Variants in CNTNAP2 observed in about 807,000 individuals in gnomAD.
CNTNAP2 encodes contactin associated protein 2, also known as contactin-associated protein-like 2.
In CNTNAP2, 98 loss-of-function variants were observed where a neutral mutation model predicts 155.2. The observed-to-expected ratio is 0.63, with a 90% CI of 0.54 to 0.75. The LOEUF is 0.75. CNTNAP2 is among the 30% of genes least tolerant of loss of function. The probability of loss-of-function intolerance (pLI) is 0.00; values close to 1 mark genes in which losing one functional copy is unlikely to be tolerated. For missense variants in CNTNAP2, 1,727 were observed against 1,688.1 expected (o/e 1.02, Z -0.40); for synonymous variants, 651 against 631.2 (o/e 1.03, Z -0.47).
intron 9 of CNTNAP2, among the ~76,000 whole-genome samples, chr7:147,318,172 T>C (rs563886353): frequency 6.6e-6 from 1 of 152,322 alleles, no homozygotes; most frequent in East Asian, 1.9e-4. Flanking sequence ...CTGGGCGTTG[T>C]GGCTCACACC....
At chr7:147,027,226 T>A (rs767126086) in intron 3 of CNTNAP2, among the ~76,000 whole-genome samples, 3 of 152,166 alleles carry the variant, frequency 2.0e-5, no homozygotes, top group Non-Finnish European at 2.9e-5. Flanking sequence ...AAAATTTTCA[T>A]ACGTACAAGG....
chr7:148,382,915 T>G (rs1398515346), intron 21 of CNTNAP2, among the ~76,000 whole-genome samples: 6 of 152,248 alleles, frequency 3.9e-5, no homozygotes, highest in Non-Finnish European at 8.8e-5. Flanking sequence ...TAACAACGTG[T>G]GGGTACATTG....
At chr7:148,265,837 G>T (rs552934405) in intron 20 of CNTNAP2, among the ~76,000 whole-genome samples, 1 of 152,292 alleles carries the variant, frequency 6.6e-6, no homozygotes, top group Admixed American at 6.5e-5. Flanking sequence ...TTCTGCTGCA[G>T]ACAGTCATTA....
intron 1 of CNTNAP2, among the ~76,000 whole-genome samples, chr7:146,640,941 T>A (rs987875933): frequency 2.6e-5 from 4 of 152,322 alleles, no homozygotes; most frequent in Non-Finnish European, 4.4e-5. Flanking sequence ...TATCTATTAA[T>A]GCTTGTTAGG....
chr7:147,447,447 CCTCT>C (rs1797759207), intron 10 of CNTNAP2, among the ~76,000 whole-genome samples: 1 of 151,994 alleles, frequency 6.6e-6, no homozygotes, highest in Non-Finnish European at 1.5e-5. Context: ...ATGGAGTCTC[CCTCT>C]GTCACCCAGG....
chr7:146,393,050 G>T (rs1375472079), intron 1 of CNTNAP2, among the ~76,000 whole-genome samples: 1 of 152,104 alleles, frequency 6.6e-6, no homozygotes, highest in South Asian at 2.1e-4. Context: ...GAATGACAGA[G>T]CATCAATGAA....
In CNTNAP2 at chr7:147,990,343, G is replaced by C. The variant is rs1017027151; in HGVS notation, c.2383+12354G>C. Among the ~76,000 whole-genome samples the C allele has an allele frequency of 4.5e-4, 68 of 152,198 alleles. 1 individual carries two copies. Among genetic ancestry groups the C allele is most frequent in the African/African-American group, 1.5e-3 (64 of 41,520 alleles). On this transcript the variant is annotated intron_variant, in intron 15 of 23. Transcript: ENST00000361727. ...TTATTTTGGAGAACAAACCTAAGAG[G>C]GGCTTCTGGCTGATTTCAGTCAAGA...
intron 14 of CNTNAP2, among the ~76,000 whole-genome samples, chr7:147,954,659 G>T (rs542055242): frequency 6.6e-6 from 1 of 152,194 alleles, no homozygotes; most frequent in South Asian, 2.1e-4. Context: ...TATAGTTAAT[G>T]TTTTTATAAT....
chr7:147,546,821 C>T (rs1485254375), intron 11 of CNTNAP2, among the ~76,000 whole-genome samples: 1 of 152,192 alleles, frequency 6.6e-6, no homozygotes, highest in Non-Finnish European at 1.5e-5. Flanking sequence ...ATGGATGAAA[C>T]TGATTCTCAT....
In CNTNAP2 at chr7:147,470,514, A is replaced by G. The variant is rs1004036478; in HGVS notation, c.1671-15421A>G. Among the ~76,000 whole-genome samples, 2 of 151,962 alleles carry G rather than the reference A, an allele frequency of 1.3e-5. 1 individual carries two copies. Among genetic ancestry groups the G allele is most frequent in the South Asian group, 4.2e-4 (2 of 4,804 alleles). The stretch of plus-strand genomic sequence containing the variant: ...TTGGATTAGGGTAATAGCAGTAGAG[A>G]TGGTAGCTATGATAGTGTCTTGGAT... On this transcript the variant is annotated intron_variant, in intron 10 of 23. Transcript: ENST00000361727.
At chr7:148,142,563 A>G (rs2116645795) in intron 16 of CNTNAP2, among the ~76,000 whole-genome samples, 1 of 152,324 alleles carries the variant, frequency 6.6e-6, no homozygotes, top group African/African-American at 2.4e-5. Flanking sequence ...TAGAATGGAA[A>G]AAACGTATCA....
chr7:146,265,125 T>C (rs1799973989), intron 1 of CNTNAP2, among the ~76,000 whole-genome samples: 1 of 152,218 alleles, frequency 6.6e-6, no homozygotes. Context: ...TCTTAAAAAA[T>C]ATGTGTGTCT....
At chr7:146,769,317 C>T (rs1258966443) in intron 1 of CNTNAP2, among the ~76,000 whole-genome samples, 4 of 152,132 alleles carry the variant, frequency 2.6e-5, no homozygotes, top group Admixed American at 2.6e-4. Flanking sequence ...TATAAAAATT[C>T]TAAATTTCTC....
At chr7:147,951,553 G>A (rs773819852) in intron 14 of CNTNAP2, among the ~76,000 whole-genome samples, 4 of 152,276 alleles carry the variant, frequency 2.6e-5, no homozygotes, top group East Asian at 1.9e-4. Flanking sequence ...AGAAATGAAC[G>A]TTGTGGTTTG....
At chr7:146,793,870 T>G (rs1332437799) in intron 2 of CNTNAP2, among the ~76,000 whole-genome samples, 1 of 152,218 alleles carries the variant, frequency 6.6e-6, no homozygotes, top group Non-Finnish European at 1.5e-5. Flanking sequence ...AAATAAAACT[T>G]CTTTCAGTTA....
chr7:146,469,874 CTG>C (rs1460955085), intron 1 of CNTNAP2, among the ~76,000 whole-genome samples: 2 of 141,700 alleles, frequency 1.4e-5, no homozygotes, highest in Admixed American at 7.3e-5. Context: ...CAGTCTTACT[CTG>C]TCACCCAGGC....
rs536082715 is a variant in CNTNAP2 at position 147,681,222 on chromosome 7, A to G, written c.2098+41916A>G. Among the ~76,000 whole-genome samples the G allele has an allele frequency of 3.3e-5, 5 of 152,110 alleles. No homozygotes were observed. The East Asian group carries it at 9.7e-4, about 29-fold the overall frequency. ...GAACGGATTTGGAAGCTTACTGTAAACACTGTGAAATGGTGAAGACTTAAG... is the reference window on the plus strand; with the variant it reads ...GAACGGATTTGGAAGCTTACTGTAAGCACTGTGAAATGGTGAAGACTTAAG... On this transcript the variant is annotated intron_variant, in intron 13 of 23. Transcript: ENST00000361727.
chr7:147,490,099 A>T (rs1003308146), intron 11 of CNTNAP2, among the ~76,000 whole-genome samples: 1 of 152,224 alleles, frequency 6.6e-6, no homozygotes, highest in African/African-American at 2.4e-5. Flanking sequence ...TCAGATGTGC[A>T]TTCTGACAGA....
At chr7:146,750,957 C>G (rs1438740324) in intron 1 of CNTNAP2, among the ~76,000 whole-genome samples, 1 of 152,000 alleles carries the variant, frequency 6.6e-6, no homozygotes, top group Non-Finnish European at 1.5e-5. Context: ...ACTACTTTTA[C>G]TCATTCATTC....
Sources: gnomAD v4.1 joint callset for allele counts (sites outside exome capture counted in the v4.1 genomes callset) on GRCh38, gnomAD v4.1.1 for gene constraint, MANE v1.5 for transcripts, NCBI Gene and HGNC (gene_info 2026-07-23, HGNC 2026-07-21) for gene names.